The following ITSN2 variants were observed in gnomAD, a reference collection of about 807,000 sequenced individuals.
ITSN2 encodes the protein intersectin 2, also known as intersectin-2.
A neutral mutation model predicts 243.7 loss-of-function variants in ITSN2; 156 were observed. The observed-to-expected ratio is 0.64, with a 90% CI of 0.56 to 0.73. The LOEUF is 0.73. ITSN2 is among the 30% of genes least tolerant of loss of function. ITSN2 has a pLI of 0.00. For synonymous variants in ITSN2, 703 were observed against 699.9 expected (o/e 1.00, Z -0.07); for missense variants, 1,801 against 1,996.1 (o/e 0.90, Z 1.86).
chr2:24,352,643 T>C (rs1277923097), intron 1 of ITSN2, among the ~76,000 whole-genome samples: 1 of 152,188 alleles, frequency 6.6e-6, no homozygotes, highest in Non-Finnish European at 1.5e-5. Flanking sequence ...TTTATAAATA[T>C]TGAGTTTAGC....
chr2:24,227,172 A>G (rs1338804572), intron 29 of ITSN2, among the ~76,000 whole-genome samples: 1 of 151,890 alleles, frequency 6.6e-6, no homozygotes, highest in Non-Finnish European at 1.5e-5. Context: ...AGCTGGTGAT[A>G]CCCTTAGGGT....
intron 29 of ITSN2, among the ~76,000 whole-genome samples, chr2:24,224,861 C>T (rs1239566094): frequency 6.6e-6 from 1 of 152,198 alleles, no homozygotes; most frequent in Non-Finnish European, 1.5e-5. Context: ...AACTACTGGC[C>T]TCAAGTGCTC....
intron 29 of ITSN2, among the ~76,000 whole-genome samples, chr2:24,244,407 T>C (rs1270861506): frequency 6.6e-6 from 1 of 152,198 alleles, no homozygotes; most frequent in African/African-American, 2.4e-5. Context: ...TTCAAACAGC[T>C]TTTATCTGTT....
At chr2:24,353,593 C>T (rs1346260547) in intron 1 of ITSN2, among the ~76,000 whole-genome samples, 1 of 151,954 alleles carries the variant, frequency 6.6e-6, no homozygotes, top group African/African-American at 2.4e-5. Context: ...GTCTCAAAGA[C>T]AAAACAAAAC....
rs1669511920 is a variant in ITSN2, at chr2:24,211,719, A to G, written c.4090-772T>C. Reference sequence around the variant, plus strand: ...CTAAACAGAAGAGATATATTTACTTACTCTTACAGTGATTGTTCTTATGTT... The same window carrying G: ...CTAAACAGAAGAGATATATTTACTTGCTCTTACAGTGATTGTTCTTATGTT... On this transcript the variant is annotated intron_variant, in intron 33 of 39. Coordinates refer to ENST00000355123, the MANE Select transcript of ITSN2 (RefSeq NM_006277.3). The surrounding 1 kb of genome is among the most constrained non-coding windows in gnomAD (Gnocchi z 4.1). 6.6e-6 allele frequency among the ~76,000 whole-genome samples: 1 copy of G among 152,056 alleles called. No individual in the cohort carries two copies. The highest frequency in any genetic ancestry group is 1.5e-5 in the Non-Finnish European group (1 of 68,020).
At position 24,340,425 on chromosome 2, in the gene ITSN2, G is replaced by C. The variant is rs142749999; in HGVS notation, c.-33-12310C>G. ...GAACCCGGGGGGTGGAGGTTACAGC[G>C]AACTGAGATCACGTCACTGCACTCC... On this transcript the variant is annotated intron_variant, in intron 1 of 39. Transcript: ENST00000355123. 1.3e-3 allele frequency among the ~76,000 whole-genome samples: 199 copies of C among 150,976 alleles called. 1 individual carries two copies. The highest frequency in any genetic ancestry group is 4.8e-3 in the African/African-American group (197 of 41,032).
intron 17 of ITSN2, among the ~76,000 whole-genome samples, chr2:24,278,468 A>G (rs1304706582): frequency 6.6e-6 from 1 of 152,192 alleles, no homozygotes; most frequent in Non-Finnish European, 1.5e-5. Context: ...TAAGATTTAA[A>G]GAGCACCACA....
rs1162631474 is a variant in ITSN2, at chr2:24,225,574, T to C, written c.3578-4508A>G. 1.3e-5 allele frequency among the ~76,000 whole-genome samples: 2 copies of C among 152,146 alleles called. No homozygotes were observed. The highest frequency in any genetic ancestry group is 1.3e-4 in the Admixed American group (2 of 15,282). On this transcript the variant is annotated intron_variant, in intron 29 of 39. Coordinates refer to ENST00000355123, the MANE Select transcript of ITSN2 (RefSeq NM_006277.3). The surrounding 1 kb of genome is among the most constrained non-coding windows in gnomAD (Gnocchi z 4.2). The stretch of plus-strand genomic sequence containing the variant: ...TCAGCCCTTGAGCCTCTCCTCTTCT[T>C]GGTGTTTCCTTCTGTCTTCTGCCTC...
intron 1 of ITSN2, among the ~76,000 whole-genome samples, chr2:24,344,330 A>C (rs1456058102): frequency 6.6e-6 from 1 of 152,210 alleles, no homozygotes; most frequent in African/African-American, 2.4e-5. Context: ...AGTAGAATTA[A>C]TGGGTATCAA....
In ITSN2 at chr2:24,203,100, T is replaced by A. The variant is rs1668494102; in HGVS notation, c.*526A>T. On this transcript the variant is annotated 3_prime_UTR_variant, in exon 40 of 40. Coordinates refer to ENST00000355123, the MANE Select transcript of ITSN2 (RefSeq NM_006277.3). ...CTTAGCAGAGAGTGATAAAATCTAA[T>A]CAGGAATAAAATGATCAAGTTTCTG... 6.5e-6 allele frequency: 1 copy of A among 152,782 alleles called. No individual in the cohort carries two copies. Among genetic ancestry groups the A allele is most frequent in the African/African-American group, 2.4e-5 (1 of 41,452 alleles). 9.5% of individuals were successfully genotyped at this position (152,782 alleles called of 1,614,324 possible).
At chr2:24,313,072 G>A (rs1266847688) in intron 4 of ITSN2, among the ~76,000 whole-genome samples, 1 of 148,544 alleles carries the variant, frequency 6.7e-6, no homozygotes, top group Admixed American at 6.7e-5. Context: ...CCAAAAAACT[G>A]AAGAAATACC....
intron 17 of ITSN2, among the ~76,000 whole-genome samples, chr2:24,281,713 G>A (rs554009765): frequency 2.0e-5 from 3 of 152,252 alleles, no homozygotes; most frequent in Admixed American, 1.3e-4. Context: ...TTGCATATCT[G>A]CACTGAGATG....
At chr2:24,274,778 C>T (rs1029803570) in intron 18 of ITSN2, among the ~76,000 whole-genome samples, 4 of 152,256 alleles carry the variant, frequency 2.6e-5, no homozygotes, top group Admixed American at 2.6e-4. Flanking sequence ...GTCTTCCTTG[C>T]CTCCCTAGTA....
intron 29 of ITSN2, among the ~76,000 whole-genome samples, chr2:24,236,891 T>C (rs1672230061): frequency 6.6e-6 from 1 of 151,732 alleles, no homozygotes; most frequent in African/African-American, 2.4e-5. Flanking sequence ...GAGACAGGTT[T>C]CACCAAGTTG....
intron 1 of ITSN2, among the ~76,000 whole-genome samples, chr2:24,345,188 T>G (rs1408880092): frequency 6.6e-6 from 1 of 152,216 alleles, no homozygotes; most frequent in Non-Finnish European, 1.5e-5. Flanking sequence ...TAAAGGCTAC[T>G]GTATGGGATA....
chr2:24,220,389 T>C (rs1670332413), intron 30 of ITSN2: 1 of 984,504 alleles, frequency 1.0e-6, no homozygotes, highest in South Asian at 4.7e-5. Context: ...CGAATAAGGA[T>C]AGCTGTCATC....
intron 2 of ITSN2, 146 bp downstream of exon 2, chr2:24,327,906 T>C (rs1461443441): frequency 3.1e-6 from 2 of 647,342 alleles, no homozygotes; most frequent in Non-Finnish European, 5.3e-6. Context: ...AGAAGACATA[T>C]GCAGTGTTCC....
chr2:24,252,140 A>G (rs1674420116), intron 25 of ITSN2, among the ~76,000 whole-genome samples: 1 of 152,150 alleles, frequency 6.6e-6, no homozygotes, highest in Non-Finnish European at 1.5e-5. Flanking sequence ...CCCTTTATCT[A>G]ACTGGAGCCA....
At position 24,246,847 on chromosome 2, in the gene ITSN2, A is replaced by C; in HGVS notation, c.3335T>G (p.Val1112Gly). ...TTCACTACTTGGACCCAAAAGTTTA[A>C]CATGACTGGCAGGAAACCATCCTTT... is the stretch of plus-strand genomic sequence containing the variant. ...RQKGWFPASH[V>G]KLLGPSSERA... The change falls in exon 28 of 40, where the codon GTT becomes GGT. Residue 1112 changes from valine to glycine, a missense_variant. This residue lies in a region of ITSN2 where 928 missense variants were observed against 1,065.4 expected (regional missense o/e 0.87). Coordinates refer to ENST00000355123, the MANE Select transcript of ITSN2 (RefSeq NM_006277.3). The C allele has an allele frequency of 1.2e-6, 2 of 1,613,524 alleles. No homozygotes were observed. Among genetic ancestry groups the C allele is most frequent in the Non-Finnish European group, 1.7e-6 (2 of 1,179,622 alleles).
Sources: allele counts gnomAD v4.1 joint callset (sites outside exome capture counted in the v4.1 genomes callset), GRCh38; gene constraint gnomAD v4.1.1; regional missense constraint gnomAD v4.1.1; non-coding constraint Gnocchi (gnomAD v3.1); transcripts MANE v1.5; gene names NCBI Gene and HGNC (gene_info 2026-07-23, HGNC 2026-07-21).